Variants in PRELID2 observed in about 807,000 individuals in gnomAD.
PRELID2 encodes PRELI domain-containing protein 2.
PRELID2 carries 25 observed loss-of-function variants against 28.4 expected under a neutral mutation model. The observed-to-expected ratio is 0.88, with a 90% CI of 0.64 to 1.23. The LOEUF is 1.23. PRELID2 is among the 50% of genes most tolerant of loss of function. The pLI, the probability that PRELID2 is intolerant of heterozygous loss-of-function variation, is 0.00. For missense variants in PRELID2, 201 were observed against 214.4 expected (o/e 0.94, Z 0.39); for synonymous variants, 76 against 71.6 (o/e 1.06, Z -0.31).
intron 1 of PRELID2, among the ~76,000 whole-genome samples, chr5:145,720,626 T>C (rs960386489): frequency 2.0e-5 from 3 of 152,054 alleles, no homozygotes. Context: ...AAAGGACTAG[T>C]TTCATCCATC....
the PRELID2 span, among the ~76,000 whole-genome samples, chr5:145,339,517 A>T: frequency 1.3e-5 from 2 of 152,174 alleles, no homozygotes. Context: ...ACTAACACAC[A>T]GCCCCACAGG....
the PRELID2 span, among the ~76,000 whole-genome samples, chr5:145,308,936 T>C: frequency 6.6e-6 from 1 of 152,272 alleles, no homozygotes; most frequent in Middle Eastern, 3.4e-3. Flanking sequence ...TTGGCCTCAC[T>C]CCATCCTCGA....
intron 1 of PRELID2, among the ~76,000 whole-genome samples, chr5:145,611,673 CAAAG>C (rs1171780924): frequency 6.6e-6 from 1 of 152,138 alleles, no homozygotes; most frequent in African/African-American, 2.4e-5. Context: ...ATCAGATACA[CAAAG>C]ACACAACTTT....
chr5:145,327,040 A>G, the PRELID2 span, among the ~76,000 whole-genome samples: 1 of 152,150 alleles, frequency 6.6e-6, no homozygotes, highest in African/African-American at 2.4e-5. Flanking sequence ...GAAATTCTAA[A>G]GTCTCAAAAT....
chr5:145,776,753 A>G (rs1758434347), intron 5 of PRELID2, among the ~76,000 whole-genome samples: 1 of 152,214 alleles, frequency 6.6e-6, no homozygotes, highest in South Asian at 2.1e-4. Flanking sequence ...ATACTTCTTA[A>G]AAGTTGTTCT....
Position 145,726,911 on chromosome 5 carries a change from T to C in PRELID2, n.70+38020A>G, listed in dbSNP as rs942805989. On this transcript the variant is annotated intron_variant and non_coding_transcript_variant, in intron 1 of 2. Transcript: ENST00000510259. ...TCTGGAAGTAAATTATAACATTTCA[T>C]TGTGGTAGCGTGATCAGACCCAACA... Among the ~76,000 whole-genome samples the C allele has an allele frequency of 2.6e-5, 4 of 152,138 alleles. No homozygotes were observed. In the East Asian group the frequency reaches 7.7e-4, roughly 29 times the overall value.
chr5:145,687,047 G>T (rs1425110112), intron 1 of PRELID2, among the ~76,000 whole-genome samples: 3 of 151,856 alleles, frequency 2.0e-5, no homozygotes, highest in Non-Finnish European at 2.9e-5. Flanking sequence ...ATAATTACAG[G>T]TTTTTTTTAA....
the PRELID2 span, among the ~76,000 whole-genome samples, chr5:145,425,027 A>T: frequency 6.6e-6 from 1 of 152,082 alleles, no homozygotes; most frequent in Non-Finnish European, 1.5e-5. Flanking sequence ...TTTAACAAAA[A>T]TCTAATATCC....
chr5:145,406,961 C>T, the PRELID2 span, among the ~76,000 whole-genome samples: 2 of 152,144 alleles, frequency 1.3e-5, no homozygotes, highest in East Asian at 1.9e-4. Context: ...CATTCCTGGC[C>T]TTATCTCATG....
At chr5:145,621,290 C>A (rs1753770396) in intron 1 of PRELID2, among the ~76,000 whole-genome samples, 1 of 151,726 alleles carries the variant, frequency 6.6e-6, no homozygotes, top group Non-Finnish European at 1.5e-5. Flanking sequence ...CAAATCCTAG[C>A]AAAGATATTG....
chr5:145,497,973 C>T (rs1372118988), intron 1 of PRELID2, among the ~76,000 whole-genome samples: 4 of 152,204 alleles, frequency 2.6e-5, no homozygotes, highest in Non-Finnish European at 5.9e-5. Flanking sequence ...TTTGTCAACA[C>T]TTGCCCTTCA....
chr5:145,705,367 G>A (rs1047148082), intron 1 of PRELID2, among the ~76,000 whole-genome samples: 2 of 147,826 alleles, frequency 1.4e-5, no homozygotes, highest in Admixed American at 6.7e-5. Flanking sequence ...ATTTTTGTGG[G>A]TTTTTTTTGT....
Position 145,492,666 on chromosome 5 carries a change from C to G in PRELID2, n.71-19351G>C, listed in dbSNP as rs1388648002. Among the ~76,000 whole-genome samples the G allele has an allele frequency of 1.4e-5, 2 of 141,202 alleles. 1 individual carries two copies. Among genetic ancestry groups the G allele is most frequent in the Non-Finnish European group, 3.2e-5 (2 of 62,754 alleles). The allele number at this position is 141,202 out of a possible 152,430, so 92.6% of individuals were successfully genotyped here. ...ACAGTTTTGAGTCTTACATTTAGGT[C>G]TTTAATCCATTTTGAGTTGATTTCT... On this transcript the variant is annotated intron_variant and non_coding_transcript_variant, in intron 1 of 2. Transcript: ENST00000510259.
rs1554099438 is a variant in PRELID2 at position 145,817,421 on chromosome 5, T to TTATATATATATATATTTATATA, written c.368+472_368+473insTATATAAATATATATATATATA. On this transcript the variant is annotated intron_variant, in intron 4 of 6. Coordinates refer to ENST00000683046, the MANE Select transcript of PRELID2 (RefSeq NM_205846.3). ...TATGCAATAAAGGAATAAGCTAGTTTTATATATATATATATATATATATAT... is the reference window on the plus strand; with the variant it reads ...TATGCAATAAAGGAATAAGCTAGTTTTATATATATATATATTTATATATATATATATATATATATATATATAT... Among the ~76,000 whole-genome samples the TTATATATATATATATTTATATA allele has an allele frequency of 3.7e-4, 38 of 103,604 alleles. 1 individual carries two copies. The highest frequency in any genetic ancestry group is 1.2e-3 in the African/African-American group (37 of 29,892). 68.0% of individuals were successfully genotyped at this position (103,604 alleles called of 152,430 possible).
the PRELID2 span, among the ~76,000 whole-genome samples, chr5:145,290,853 A>G: frequency 6.7e-6 from 1 of 148,528 alleles, no homozygotes; most frequent in Non-Finnish European, 1.5e-5. Flanking sequence ...TTATCTTTTT[A>G]TTCTTGTAGC....
chr5:145,717,117 G>T (rs1215515330), intron 1 of PRELID2, among the ~76,000 whole-genome samples: 1 of 152,122 alleles, frequency 6.6e-6, no homozygotes, highest in Admixed American at 6.6e-5. Flanking sequence ...TGTTTATTAT[G>T]ATCCCATTAA....
the PRELID2 span, among the ~76,000 whole-genome samples, chr5:145,417,031 G>C: frequency 6.6e-6 from 1 of 151,902 alleles, no homozygotes; most frequent in Non-Finnish European, 1.5e-5. Context: ...TAAAGAAGAA[G>C]AGAAGAGATA....
intron 1 of PRELID2, among the ~76,000 whole-genome samples, chr5:145,724,600 A>AT (rs1756080147): frequency 5.2e-4 from 13 of 24,786 alleles, no homozygotes; most frequent in Non-Finnish European, 1.0e-3. Flanking sequence ...GAAGTAAATA[A>AT]ATATATATAT....
At chr5:145,452,456 AT>A in the PRELID2 span, among the ~76,000 whole-genome samples, 2 of 152,150 alleles carry the variant, frequency 1.3e-5, no homozygotes, top group South Asian at 4.2e-4. Context: ...ATAACTTCTT[AT>A]TTTTTGGACC....
Sources: allele counts gnomAD v4.1 joint callset (sites outside exome capture counted in the v4.1 genomes callset), GRCh38; gene constraint gnomAD v4.1.1; transcripts MANE v1.5; gene names NCBI Gene and HGNC (gene_info 2026-07-23, HGNC 2026-07-21).